Variants in ATAD5 observed in about 807,000 individuals in gnomAD.
The protein encoded by ATAD5 is ATPase family AAA domain containing 5, also known as ATPase family AAA domain-containing protein 5.
ATAD5 carries 58 observed loss-of-function variants against 176.9 expected under a neutral mutation model. That is an observed-to-expected ratio of 0.33 (90% CI 0.27 to 0.41). ATAD5 has a LOEUF of 0.41. Ranked by LOEUF, ATAD5 falls within the 10% of genes least tolerant of loss-of-function variation. ATAD5 has a pLI of 1.00. For synonymous variants in ATAD5, 640 were observed against 712.6 expected (o/e 0.90, Z 1.62); for missense variants, 1,789 against 2,094.1 (o/e 0.85, Z 2.84).
rs544064155 is a variant in ATAD5 at position 30,868,696 on chromosome 17, G to C, written c.3313+284G>C. On this transcript the variant is annotated intron_variant, in intron 12 of 22. Coordinates refer to ENST00000321990, the MANE Select transcript of ATAD5 (RefSeq NM_024857.5). Reference sequence around the variant, plus strand: ...TAATTTTTGTATTTTTAGTAGAGATGGGGTTTCACCATCTTGGCCAGGCTG... The same window carrying C: ...TAATTTTTGTATTTTTAGTAGAGATCGGGTTTCACCATCTTGGCCAGGCTG... Among the ~76,000 whole-genome samples the C allele has an allele frequency of 3.3e-3, 505 of 151,352 alleles. 3 individuals carry two copies. The highest frequency in any genetic ancestry group is 0.012 in the African/African-American group (487 of 41,308).
At position 30,893,656 on chromosome 17, in the gene ATAD5, AGAAGAAAGCAAAACCGGAGAC is replaced by A. The variant is rs756395532; in HGVS notation, c.4816_4836del (p.Thr1606_Lys1612del). Reference sequence around the variant, plus strand: ...CCTCTGTATCATCTTCCTCAAATGCAGAAGAAAGCAAAACCGGAGACGAAGAAAGCAAAGCCAGAGACAAAG... The same window carrying A: ...CCTCTGTATCATCTTCCTCAAATGCAGAAGAAAGCAAAGCCAGAGACAAAG... On this transcript the variant is annotated inframe_deletion, in exon 21 of 23. Coordinates refer to ENST00000321990, the MANE Select transcript of ATAD5 (RefSeq NM_024857.5). 2 of 1,613,590 alleles carry A rather than the reference AGAAGAAAGCAAAACCGGAGAC, an allele frequency of 1.2e-6. No homozygotes were observed. Among genetic ancestry groups the A allele is most frequent in the East Asian group, 4.5e-5 (2 of 44,870 alleles).
intron 13 of ATAD5, 25 bp downstream of exon 13, chr17:30,869,415 A>AT: frequency 6.2e-7 from 1 of 1,609,688 alleles, no homozygotes; most frequent in Non-Finnish European, 8.5e-7. Flanking sequence ...TGATGAGAGA[A>AT]TGTTAATGTA....
chr17:30,887,854 T>A (rs1306135184), intron 19 of ATAD5, among the ~76,000 whole-genome samples: 1 of 152,086 alleles, frequency 6.6e-6, no homozygotes, highest in African/African-American at 2.4e-5. Context: ...TTTTTTGAGA[T>A]GGAGTCTCGC....
chr17:30,860,634 A>G (rs1270935694), intron 10 of ATAD5, 22 bp downstream of exon 10: 6 of 1,524,192 alleles, frequency 3.9e-6, no homozygotes, highest in Middle Eastern at 2.4e-4. Context: ...AAAACATCCC[A>G]AAAGAAATAG....
At chr17:30,880,867 A>G (rs986186402) in intron 18 of ATAD5, among the ~76,000 whole-genome samples, 2 of 152,102 alleles carry the variant, frequency 1.3e-5, no homozygotes, top group Non-Finnish European at 2.9e-5. Context: ...TATTTTGTAC[A>G]TATAACATAT....
chr17:30,884,855 C>T (rs1352770053), intron 18 of ATAD5, among the ~76,000 whole-genome samples: 1 of 150,694 alleles, frequency 6.6e-6, no homozygotes, highest in African/African-American at 2.4e-5. Context: ...TCACGCCATT[C>T]TCCTGCCTCA....
At chr17:30,850,235 A>G (rs1334769197) in intron 6 of ATAD5, among the ~76,000 whole-genome samples, 1 of 152,098 alleles carries the variant, frequency 6.6e-6, no homozygotes, top group Non-Finnish European at 1.5e-5. Context: ...GTAGAACACT[A>G]GAAGTTATTC....
At chr17:30,852,309 C>G (rs1238511355) in intron 6 of ATAD5, among the ~76,000 whole-genome samples, 1 of 152,110 alleles carries the variant, frequency 6.6e-6, no homozygotes, top group Non-Finnish European at 1.5e-5. Context: ...ATTTATGGAG[C>G]ATTTCTTAAT....
chr17:30,878,725 T>TTTG (rs1908823686), intron 17 of ATAD5, among the ~76,000 whole-genome samples: 1 of 92,126 alleles, frequency 1.1e-5, no homozygotes, highest in Non-Finnish European at 2.2e-5. Flanking sequence ...GGTGTTTTTT[T>TTTG]TTTTTTTTTT....
rs185170112 is a variant in ATAD5 at position 30,869,678 on chromosome 17, T to C, written c.3607+32T>C. ...AAACTATTTTCCTTAAGCCATAATG[T>C]TTTGAAAAAAATAAAATCTAAGAAA... On this transcript the variant is annotated intron_variant, in intron 14 of 22. Transcript: ENST00000321990. 6.2e-5 allele frequency: 97 copies of C among 1,553,950 alleles called. No homozygotes were observed. The African/African-American group carries it at 1.2e-3, about 20-fold the overall frequency.
rs1411634023 is a variant in ATAD5, at chr17:30,860,532, A to G, written c.3056A>G (p.Asn1019Ser). 2.5e-6 allele frequency: 4 copies of G among 1,600,396 alleles called. No homozygotes were observed. Among genetic ancestry groups the G allele is most frequent in the Non-Finnish European group, 3.4e-6 (4 of 1,177,232 alleles). ...KRKKPNEYSK[N>S]LEKTNRKSEE... ...AAGAAACCAAATGAGTATTCAAAAAATCTGGAGAAGACCAATAGGAAGTCA... is the reference window on the plus strand; with the variant it reads ...AAGAAACCAAATGAGTATTCAAAAAGTCTGGAGAAGACCAATAGGAAGTCA... The change falls in exon 10 of 23, where the codon AAT becomes AGT. Residue 1019 changes from asparagine to serine, a missense_variant. Physicochemically the swap from Asn to Ser is conservative, Grantham distance 46. Around this residue, in one of 6 missense-constraint regions of ATAD5, gnomAD observed 487 missense variants for 573.6 expected, o/e 0.85. Transcript: ENST00000321990.
intron 3 of ATAD5, among the ~76,000 whole-genome samples, chr17:30,839,623 A>G (rs1449557965): frequency 1.5e-5 from 2 of 135,468 alleles, no homozygotes; most frequent in East Asian, 4.3e-4. Flanking sequence ...CTTGTTGCCC[A>G]GGCTGGAGTG....
At chr17:30,850,619 TTATC>T (rs1165881074) in intron 6 of ATAD5, among the ~76,000 whole-genome samples, 1 of 151,454 alleles carries the variant, frequency 6.6e-6, no homozygotes, top group African/African-American at 2.4e-5. Flanking sequence ...CATGGGGTAT[TTATC>T]TTTCTGTGTT....
At position 30,832,015 on chromosome 17, in the gene ATAD5, T is replaced by C; in HGVS notation, c.-333T>C. On this transcript the variant is annotated 5_prime_UTR_variant, in exon 1 of 23. Coordinates refer to ENST00000321990, the MANE Select transcript of ATAD5 (RefSeq NM_024857.5). ...AATTGACAAGAATTCCCTCCGAAGCTCTGTGGTCCGATCTGCGGTCCGCTT... is the reference window on the plus strand; with the variant it reads ...AATTGACAAGAATTCCCTCCGAAGCCCTGTGGTCCGATCTGCGGTCCGCTT... 1 of 365,218 alleles carries C rather than the reference T, an allele frequency of 2.7e-6. No individual in the cohort carries two copies. The highest frequency in any genetic ancestry group is 4.9e-6 in the Non-Finnish European group (1 of 205,320). The allele number at this position is 365,218 out of a possible 1,614,324, so 22.6% of individuals were successfully genotyped here.
chr17:30,855,376 G>A (rs748245617), intron 7 of ATAD5, 49 bp downstream of exon 7: 23 of 1,494,738 alleles, frequency 1.5e-5, no homozygotes, highest in Non-Finnish European at 2.1e-5. Flanking sequence ...CTGTTAGCAG[G>A]AACATTAAAC....
intron 18 of ATAD5, among the ~76,000 whole-genome samples, chr17:30,883,369 C>G (rs1448500302): frequency 6.6e-6 from 1 of 152,052 alleles, no homozygotes; most frequent in Non-Finnish European, 1.5e-5. Context: ...TCAAGTAATA[C>G]TCCTGCCTCA....
chr17:30,844,015 A>C lies in ATAD5; in HGVS notation c.2344A>C (p.Asn782His). ...GAATGATGTGCTAGGAAAAAAACTT[A>C]ACACATCCACTAAAAATGTACCTGG... ...CLNDVLGKKL[N>H]TSTKNVPGKM... The change falls in exon 5 of 23, where the codon AAC becomes CAC. Residue 782 changes from asparagine to histidine, a missense_variant. Physicochemically the swap from Asn to His is moderately conservative, Grantham distance 68. This residue lies in a region of ATAD5 where 487 missense variants were observed against 573.6 expected (regional missense o/e 0.85). Coordinates refer to ENST00000321990, the MANE Select transcript of ATAD5 (RefSeq NM_024857.5). 1 of 1,549,676 alleles carries C rather than the reference A, an allele frequency of 6.5e-7. No individual in the cohort carries two copies. Among genetic ancestry groups the C allele is most frequent in the Non-Finnish European group, 8.7e-7 (1 of 1,152,468 alleles).
At chr17:30,878,963 C>T (rs963660049) in intron 17 of ATAD5, among the ~76,000 whole-genome samples, 1 of 152,024 alleles carries the variant, frequency 6.6e-6, no homozygotes. Flanking sequence ...AACTCCTGAC[C>T]TCATGTGATC....
chr17:30,845,952 G>A lies in ATAD5; in HGVS notation c.2450+1036G>A, dbSNP rs1034324238. ...TATGCGCCTGGGTGGCATGATGGAA[G>A]GTCAGGTCTAGGAGCAACATGGGTT... On this transcript the variant is annotated intron_variant, in intron 6 of 22. Transcript: ENST00000321990. Among the ~76,000 whole-genome samples the A allele has an allele frequency of 2.6e-5, 4 of 152,228 alleles. No homozygotes were observed. In the East Asian group the frequency reaches 7.7e-4, roughly 29 times the overall value.
Sources: allele counts gnomAD v4.1 joint callset (sites outside exome capture counted in the v4.1 genomes callset), GRCh38; gene constraint gnomAD v4.1.1; regional missense constraint gnomAD v4.1.1; transcripts MANE v1.5; gene names NCBI Gene and HGNC (gene_info 2026-07-23, HGNC 2026-07-21).